The following FOXP2 variants were observed in gnomAD, a reference collection of about 807,000 sequenced individuals.
FOXP2 encodes the protein forkhead box protein P2.
In FOXP2, 12 loss-of-function variants were observed where a neutral mutation model predicts 115.8. That is an observed-to-expected ratio of 0.10 (90% CI 0.07 to 0.17). The LOEUF is 0.17. Among genes scored for constraint, FOXP2 ranks in the 10% least tolerant of loss-of-function variants. The probability of loss-of-function intolerance (pLI) is 1.00; values close to 1 mark genes in which losing one functional copy is unlikely to be tolerated. For missense variants in FOXP2, 629 were observed against 843.5 expected, an observed-to-expected ratio of 0.75 and a Z score of 3.15; for synonymous variants, 328 against 297.7, an observed-to-expected ratio of 1.10 and a Z score of -1.05.
chr7:114,574,796 A>G (rs961362803), intron 3 of FOXP2, among the ~76,000 whole-genome samples: 7 of 151,926 alleles, frequency 4.6e-5, no homozygotes, highest in African/African-American at 9.7e-5. Context: ...TCTTATTTTT[A>G]AAACCTTTAG....
At chr7:114,344,454 C>T (rs1791291713) in intron 2 of FOXP2, among the ~76,000 whole-genome samples, 1 of 151,910 alleles carries the variant, frequency 6.6e-6, no homozygotes, top group Non-Finnish European at 1.5e-5. Context: ...GTGTGATACA[C>T]GTTTACTCTT....
chr7:114,668,784 G>A (rs1055292444), intron 16 of FOXP2: 3 of 152,074 alleles, frequency 2.0e-5, no homozygotes, highest in Admixed American at 6.6e-5. Context: ...GAAACCCCTA[G>A]CACATTCTAC....
chr7:114,516,448 A>G (rs555364209), intron 2 of FOXP2, among the ~76,000 whole-genome samples: 1 of 152,304 alleles, frequency 6.6e-6, no homozygotes, highest in African/African-American at 2.4e-5. Context: ...ACCTAAAACC[A>G]TAAAAACCCT....
chr7:114,288,013 T>TA (rs1796508273), intron 1 of FOXP2: 1 of 447,052 alleles, frequency 2.2e-6, no homozygotes, highest in Admixed American at 2.4e-5. Context: ...TTGTCTCTAT[T>TA]AACAGGTCTA....
At chr7:114,123,575 T>C (rs1279196427) in intron 1 of FOXP2, among the ~76,000 whole-genome samples, 1 of 152,084 alleles carries the variant, frequency 6.6e-6, no homozygotes, top group Non-Finnish European at 1.5e-5. Context: ...TTTATCATCC[T>C]GGGATGATTA....
intron 2 of FOXP2, among the ~76,000 whole-genome samples, chr7:114,368,916 T>C (rs1001044365): frequency 2.6e-5 from 4 of 152,216 alleles, no homozygotes; most frequent in Non-Finnish European, 5.9e-5. Context: ...AATCATTTAT[T>C]TTGCTTACAA....
chr7:114,105,625 T>C (rs1231402304), intron 1 of FOXP2, among the ~76,000 whole-genome samples: 1 of 152,080 alleles, frequency 6.6e-6, no homozygotes, highest in Non-Finnish European at 1.5e-5. Context: ...CTTCTGAACA[T>C]TCTTCCTTCA....
At chr7:114,549,154 C>T (rs1800078200) in intron 3 of FOXP2, among the ~76,000 whole-genome samples, 1 of 152,182 alleles carries the variant, frequency 6.6e-6, no homozygotes, top group Admixed American at 6.5e-5. Context: ...TCCATTGACA[C>T]ATACTGCTGT....
chr7:114,300,988 C>G (rs750514617), intron 2 of FOXP2, among the ~76,000 whole-genome samples: 3 of 151,866 alleles, frequency 2.0e-5, no homozygotes, highest in Non-Finnish European at 4.4e-5. Context: ...TCTCCCTTTA[C>G]TAATATGAAA....
chr7:114,469,581 A>C (rs78910298), intron 2 of FOXP2, among the ~76,000 whole-genome samples: 1,582 of 152,312 alleles, frequency 0.01, 11 homozygotes, highest in Non-Finnish European at 0.018. Flanking sequence ...TGTCTTTATC[A>C]GACATAATTC....
chr7:114,663,303 C>G, intron 14 of FOXP2, 147 bp from the exon 15 acceptor site: 2 of 622,212 alleles, frequency 3.2e-6, no homozygotes, highest in South Asian at 1.9e-5. Context: ...TATTTGAACT[C>G]TATTACCTTA....
intron 2 of FOXP2, among the ~76,000 whole-genome samples, chr7:114,330,086 T>C (rs1797663396): frequency 6.6e-6 from 1 of 152,234 alleles, no homozygotes; most frequent in African/African-American, 2.4e-5. Context: ...GTAATTCTTG[T>C]TGCCCTTGAT....
chr7:114,373,376 T>C (rs1792062078), intron 2 of FOXP2, among the ~76,000 whole-genome samples: 1 of 152,164 alleles, frequency 6.6e-6, no homozygotes, highest in Non-Finnish European at 1.5e-5. Flanking sequence ...GCTGTGGATT[T>C]ACGTACTGTG....
intron 1 of FOXP2, among the ~76,000 whole-genome samples, chr7:114,139,060 G>T (rs894833927): frequency 9.9e-5 from 15 of 152,084 alleles, no homozygotes; most frequent in African/African-American, 3.6e-4. Context: ...ATACAACAGG[G>T]GTTACAGGGG....
chr7:114,223,847 T>C (rs1794682287), intron 1 of FOXP2, among the ~76,000 whole-genome samples: 1 of 151,884 alleles, frequency 6.6e-6, no homozygotes, highest in African/African-American at 2.4e-5. Flanking sequence ...CAATTTTAAT[T>C]TAATTTATCA....
In FOXP2 at chr7:114,415,264, C is replaced by G. The variant is rs1017710152; in HGVS notation, c.-107C>G. ...TTTTCCCTTCTTTTTATACTGTTTT[C>G]TGTGCTGGCTTTTTTGAATCTTCCT... On this transcript the variant is annotated 5_prime_UTR_variant, in exon 1 of 17. Coordinates refer to ENST00000350908, the MANE Select transcript of FOXP2 (RefSeq NM_014491.4). The G allele has an allele frequency of 4.4e-6, 2 of 453,826 alleles. No homozygotes were observed. The highest frequency in any genetic ancestry group is 7.0e-5 in the East Asian group (1 of 14,358). The allele number at this position is 453,826 out of a possible 1,614,324, so 28.1% of individuals were successfully genotyped here.
At chr7:114,622,034 G>A (rs1379451622) in intron 3 of FOXP2, among the ~76,000 whole-genome samples, 2 of 151,940 alleles carry the variant, frequency 1.3e-5, no homozygotes, top group African/African-American at 4.8e-5. Context: ...AGTAAATGCT[G>A]GGGGTAGACT....
chr7:114,248,200 G>C (rs948930311), intron 1 of FOXP2, among the ~76,000 whole-genome samples: 1 of 151,488 alleles, frequency 6.6e-6, no homozygotes, highest in Non-Finnish European at 1.5e-5. Flanking sequence ...GAGAGAGAGA[G>C]AGAGAGAGAG....
intron 2 of FOXP2, among the ~76,000 whole-genome samples, chr7:114,401,180 G>A (rs1792879538): frequency 6.6e-6 from 1 of 152,072 alleles, no homozygotes; most frequent in Admixed American, 6.6e-5. Flanking sequence ...GATGGGCCTA[G>A]AAGAAGCTTC....
Sources: allele counts gnomAD v4.1 joint callset (sites outside exome capture counted in the v4.1 genomes callset), GRCh38; gene constraint gnomAD v4.1.1; transcripts MANE v1.5; gene names NCBI Gene and HGNC (gene_info 2026-07-23, HGNC 2026-07-21).